The following AGBL1 variants were observed in gnomAD, a reference collection of about 807,000 sequenced individuals.
AGBL1 encodes AGBL carboxypeptidase 1.
AGBL1 carries 130 observed loss-of-function variants against 118.9 expected under a neutral mutation model. The ratio of observed to expected loss-of-function variants is 1.09; its 90% CI spans 0.95 to 1.26. AGBL1 has a LOEUF of 1.26. Ranked by LOEUF, AGBL1 falls within the 50% of genes most tolerant of loss-of-function variation. AGBL1 has a pLI of 0.00. For missense variants in AGBL1, 1,584 were observed against 1,298.1 expected, an observed-to-expected ratio of 1.22 and a Z score of -3.38; for synonymous variants, 555 against 478.9, an observed-to-expected ratio of 1.16 and a Z score of -2.08.
At chr15:86,280,622 T>A (rs1293369805) in intron 16 of AGBL1, among the ~76,000 whole-genome samples, 2 of 152,246 alleles carry the variant, frequency 1.3e-5, no homozygotes, top group African/African-American at 4.8e-5. Flanking sequence ...ATATTTATAA[T>A]CATATGTGTG....
chr15:86,179,031 C>G (rs566539159), intron 5 of AGBL1, among the ~76,000 whole-genome samples: 2 of 152,272 alleles, frequency 1.3e-5, no homozygotes, highest in Admixed American at 1.3e-4. Context: ...TGATGATTAT[C>G]TTGAGTAATG....
chr15:86,132,699 C>T (rs1313453861), intron 1 of AGBL1, among the ~76,000 whole-genome samples: 1 of 152,136 alleles, frequency 6.6e-6, no homozygotes, highest in Non-Finnish European at 1.5e-5. Context: ...ATTATGATGA[C>T]CGGAGACTTT....
intron 21 of AGBL1, among the ~76,000 whole-genome samples, chr15:86,641,339 T>C (rs994093539): frequency 5.3e-5 from 8 of 152,078 alleles, no homozygotes; most frequent in Admixed American, 4.6e-4. Flanking sequence ...ACAAATAACG[T>C]ATAGAATATA....
intron 18 of AGBL1, among the ~76,000 whole-genome samples, chr15:86,489,806 C>T (rs969621085): frequency 2.6e-5 from 4 of 152,046 alleles, no homozygotes; most frequent in African/African-American, 7.2e-5. Flanking sequence ...AAGAGACATT[C>T]GTTCAGCAGG....
intron 21 of AGBL1, among the ~76,000 whole-genome samples, chr15:86,624,216 A>G (rs1165848641): frequency 2.0e-5 from 3 of 152,222 alleles, no homozygotes; most frequent in Admixed American, 6.5e-5. Context: ...TAGAAAGGTA[A>G]TAATATTCTA....
intron 23 of AGBL1, among the ~76,000 whole-genome samples, chr15:86,940,355 T>A (rs1229736179): frequency 6.6e-6 from 1 of 152,116 alleles, no homozygotes; most frequent in Non-Finnish European, 1.5e-5. Context: ...GCTGAGATGA[T>A]TTATCAAACT....
At chr15:86,172,802 A>C (rs1033912939) in intron 5 of AGBL1, among the ~76,000 whole-genome samples, 1 of 152,224 alleles carries the variant, frequency 6.6e-6, no homozygotes, top group African/African-American at 2.4e-5. Flanking sequence ...ATAGTGCTGC[A>C]ATAAACATGG....
intron 7 of AGBL1, among the ~76,000 whole-genome samples, chr15:86,254,021 G>A (rs781389273): frequency 1.4e-4 from 22 of 152,186 alleles, no homozygotes; most frequent in Non-Finnish European, 2.6e-4. Context: ...GGCAGGAGAT[G>A]TTCGTGGCTT....
downstream of AGBL1, among the ~76,000 whole-genome samples, chr15:86,917,983 G>A (rs1201012162): frequency 6.6e-6 from 1 of 152,062 alleles, no homozygotes; most frequent in African/African-American, 2.4e-5. The surrounding 1 kb of genome is among the most constrained non-coding windows in gnomAD (Gnocchi z 4.8). Flanking sequence ...CAAGCAGCTG[G>A]GTTCTCATTA....
intron 22 of AGBL1, among the ~76,000 whole-genome samples, chr15:86,749,250 G>T (rs1015790197): frequency 6.6e-6 from 1 of 152,110 alleles, no homozygotes; most frequent in Non-Finnish European, 1.5e-5. Context: ...GGATTCCTAA[G>T]TATTGTATTC....
chr15:86,707,278 T>C (rs560199446), intron 22 of AGBL1, among the ~76,000 whole-genome samples: 1 of 152,288 alleles, frequency 6.6e-6, no homozygotes, highest in South Asian at 2.1e-4. Context: ...AAAATTGGAA[T>C]AAAAATAAAT....
At chr15:86,149,703 T>C (rs994761920) in intron 3 of AGBL1, among the ~76,000 whole-genome samples, 4 of 152,116 alleles carry the variant, frequency 2.6e-5, no homozygotes, top group Non-Finnish European at 5.9e-5. Flanking sequence ...CCATTGTCAA[T>C]ATTAGACAGA....
At chr15:86,192,401 G>A (rs1044535244) in intron 5 of AGBL1, among the ~76,000 whole-genome samples, 2 of 151,234 alleles carry the variant, frequency 1.3e-5, no homozygotes, top group Non-Finnish European at 2.9e-5. Context: ...TTTAAAACAT[G>A]AATCCAATAA....
chr15:86,292,224 C>T (rs991616377), intron 16 of AGBL1, among the ~76,000 whole-genome samples: 1 of 151,820 alleles, frequency 6.6e-6, no homozygotes, highest in East Asian at 1.9e-4. Context: ...CACAAGAGTC[C>T]TTATAAGTGA....
intron 22 of AGBL1, among the ~76,000 whole-genome samples, chr15:86,903,021 T>C (rs1596613996): frequency 1.3e-5 from 2 of 152,152 alleles, no homozygotes; most frequent in South Asian, 4.1e-4. Context: ...TTTGGGACAA[T>C]GGTGAAATGA....
chr15:86,932,138 A>C (rs1430751291), intron 23 of AGBL1, among the ~76,000 whole-genome samples: 1 of 152,180 alleles, frequency 6.6e-6, no homozygotes, highest in Non-Finnish European at 1.5e-5. Context: ...GAAAGACAGG[A>C]CTCAAACCCA....
chr15:86,701,853 C>G (rs2086365499), intron 22 of AGBL1, among the ~76,000 whole-genome samples: 1 of 147,796 alleles, frequency 6.8e-6, no homozygotes, highest in South Asian at 2.2e-4. Flanking sequence ...TCTCCTTTAT[C>G]CATTCCTTCC....
intron 23 of AGBL1, among the ~76,000 whole-genome samples, chr15:86,948,712 T>A (rs1161693148): frequency 6.6e-6 from 1 of 152,242 alleles, no homozygotes; most frequent in African/African-American, 2.4e-5. Context: ...TTAGCTAGTA[T>A]CCCTGAAAAA....
intron 22 of AGBL1, among the ~76,000 whole-genome samples, chr15:86,816,204 T>C (rs1221193218): frequency 1.3e-5 from 2 of 152,130 alleles, no homozygotes; most frequent in African/African-American, 2.4e-5. Flanking sequence ...ACAAAATGTA[T>C]AGTAGCAAAT....
Sources: gnomAD v4.1 joint callset for allele counts (sites outside exome capture counted in the v4.1 genomes callset) on GRCh38, gnomAD v4.1.1 for gene constraint, Gnocchi (gnomAD v3.1) non-coding constraint, MANE v1.5 for transcripts, NCBI Gene and HGNC (gene_info 2026-07-23, HGNC 2026-07-21) for gene names.